Variants in PCDH15 observed in about 807,000 individuals in gnomAD.
PCDH15 encodes the protein protocadherin-15.
In PCDH15, 129 loss-of-function variants were observed where a neutral mutation model predicts 178.5. The ratio of observed to expected loss-of-function variants is 0.72; its 90% CI spans 0.63 to 0.84. PCDH15 has a LOEUF of 0.84. PCDH15 is among the 40% of genes least tolerant of loss of function. The pLI is 0.00. For synonymous variants in PCDH15, 800 were observed against 732.0 expected (o/e 1.09, Z -1.50); for missense variants, 2,230 against 2,099.9 (o/e 1.06, Z -1.21).
At chr10:54,258,575 T>C (rs2057083906) in intron 8 of PCDH15, among the ~76,000 whole-genome samples, 1 of 152,160 alleles carries the variant, frequency 6.6e-6, no homozygotes, top group African/African-American at 2.4e-5. Context: ...AGTTAAGACC[T>C]GAGCTCTCCA....
At chr10:53,921,286 G>A (rs766413278) in intron 25 of PCDH15, among the ~76,000 whole-genome samples, 1 of 152,118 alleles carries the variant, frequency 6.6e-6, no homozygotes, top group African/African-American at 2.4e-5. Context: ...ATTCCATTAT[G>A]ACATAAAGTA....
intron 3 of PCDH15, among the ~76,000 whole-genome samples, chr10:54,880,086 A>C (rs151042042): frequency 6.6e-6 from 1 of 152,162 alleles, no homozygotes; most frequent in Non-Finnish European, 1.5e-5. Context: ...ATATTTTTAC[A>C]CCCAGATCCC....
In PCDH15 at chr10:53,938,926, C is replaced by T; in HGVS notation, c.3262G>A (p.Val1088Ile). The change falls in exon 25 of 38, where the codon GTT (valine) becomes ATT (isoleucine). Residue 1088 changes from valine (V) to isoleucine (I), a missense_variant. Coordinates refer to ENST00000644397, the MANE Select transcript of PCDH15 (RefSeq NM_001384140.1). ...TCCAGAGGTCCATTCACATAGATAA[C>T]ACCTGTGATGTTATTAATTCCAAAT... ...DTFGINNITG[V>I]IYVNGPLDYE... 2 of 1,612,894 alleles carry T rather than the reference C, an allele frequency of 1.2e-6. No individual in the cohort carries two copies. The highest frequency in any genetic ancestry group is 1.3e-5 in the African/African-American group (1 of 74,984).
chr10:54,677,917 A>G (rs1434765239), intron 1 of PCDH15, among the ~76,000 whole-genome samples: 1 of 152,150 alleles, frequency 6.6e-6, no homozygotes, highest in Non-Finnish European at 1.5e-5. Flanking sequence ...CTGTACTATC[A>G]TCACGTCCAA....
At chr10:54,105,100 T>G (rs555647158) in intron 15 of PCDH15, among the ~76,000 whole-genome samples, 2 of 151,032 alleles carry the variant, frequency 1.3e-5, no homozygotes, top group South Asian at 4.2e-4. Context: ...TAGCATTTTT[T>G]GATCTAATCA....
intron 27 of PCDH15, among the ~76,000 whole-genome samples, chr10:53,865,831 A>T (rs1024640001): frequency 6.6e-6 from 1 of 152,208 alleles, no homozygotes; most frequent in Non-Finnish European, 1.5e-5. Context: ...ATGAAAATTT[A>T]TGATGTAAAG....
intron 6 of PCDH15, among the ~76,000 whole-genome samples, chr10:54,330,427 A>T (rs1939245235): frequency 6.6e-6 from 1 of 151,920 alleles, no homozygotes; most frequent in South Asian, 2.1e-4. Flanking sequence ...TGTAATCTAA[A>T]CATAGAAAAG....
At chr10:55,232,251 T>C (rs1260624515) in intron 1 of PCDH15, among the ~76,000 whole-genome samples, 1 of 151,988 alleles carries the variant, frequency 6.6e-6, no homozygotes, top group Non-Finnish European at 1.5e-5. Context: ...ATCATTCAAT[T>C]TGTAAATACT....
At position 55,391,526 on chromosome 10, in the gene PCDH15, G is replaced by A. The variant is rs149276623; in HGVS notation, c.-155-224875C>T. Among the ~76,000 whole-genome samples, 515 of 151,952 alleles carry A rather than the reference G, an allele frequency of 3.4e-3. 2 individuals carry two copies. Among genetic ancestry groups the A allele is most frequent in the African/African-American group, 9.8e-3 (408 of 41,442 alleles). On this transcript the variant is annotated intron_variant, in intron 2 of 5. Coordinates refer to the PCDH15 transcript ENST00000613346. ...TGGGGGGATGGAGTCTTGCCCTGTC[G>A]CCCAGGATGGATTGGAATGGAGCAA...
At chr10:55,275,890 C>T (rs947727729) in intron 1 of PCDH15, among the ~76,000 whole-genome samples, 1 of 151,426 alleles carries the variant, frequency 6.6e-6, no homozygotes, top group Non-Finnish European at 1.5e-5. Flanking sequence ...TTTATTTCTA[C>T]CCAATAATGA....
At chr10:54,840,306 G>A (rs895405288) in intron 3 of PCDH15, among the ~76,000 whole-genome samples, 2 of 152,046 alleles carry the variant, frequency 1.3e-5, no homozygotes, top group African/African-American at 2.4e-5. Flanking sequence ...TTGATAGCAC[G>A]AAGTCTGGGT....
intron 30 of PCDH15, 138 bp downstream of exon 30, chr10:53,831,177 C>T (rs375811921): frequency 6.3e-5 from 52 of 831,742 alleles, no homozygotes; most frequent in Non-Finnish European, 9.5e-5. Flanking sequence ...TCATTTGGTA[C>T]GAGATAGACA....
intron 29 of PCDH15, among the ~76,000 whole-genome samples, chr10:53,836,253 G>T (rs1156248958): frequency 6.6e-6 from 1 of 152,132 alleles, no homozygotes; most frequent in Non-Finnish European, 1.5e-5. Context: ...TGGCTGCCAT[G>T]ATGCCATAAG....
At chr10:54,098,891 AT>A (rs1410638765) in intron 15 of PCDH15, among the ~76,000 whole-genome samples, 3 of 152,194 alleles carry the variant, frequency 2.0e-5, no homozygotes, top group Non-Finnish European at 2.9e-5. Context: ...CATTAAAAAA[AT>A]TTCTTCATGA....
chr10:55,115,108 T>A (rs1301786652), intron 2 of PCDH15, among the ~76,000 whole-genome samples: 1 of 152,190 alleles, frequency 6.6e-6, no homozygotes, highest in Non-Finnish European at 1.5e-5. Context: ...TTTCTGTAGG[T>A]GATAAATTCT....
intron 3 of PCDH15, among the ~76,000 whole-genome samples, chr10:54,837,257 C>T (rs991470371): frequency 2.6e-5 from 4 of 151,968 alleles, no homozygotes; most frequent in Non-Finnish European, 5.9e-5. Flanking sequence ...ATGTTACACC[C>T]AGTCAGGACA....
At chr10:55,331,426 T>A (rs59363842) in intron 2 of PCDH15, among the ~76,000 whole-genome samples, 1,633 of 152,004 alleles carry the variant, frequency 0.011, 36 homozygotes, top group African/African-American at 0.037. Context: ...TTTAGTATAG[T>A]AATAGTAAGT....
At chr10:55,212,971 G>A (rs1840607909) in intron 1 of PCDH15, among the ~76,000 whole-genome samples, 1 of 152,042 alleles carries the variant, frequency 6.6e-6, no homozygotes, top group African/African-American at 2.4e-5. Flanking sequence ...AGGTAGAACA[G>A]CAGAGCTCAA....
intron 5 of PCDH15, among the ~76,000 whole-genome samples, chr10:54,358,419 C>T (rs1246628682): frequency 6.6e-6 from 1 of 152,084 alleles, no homozygotes; most frequent in Non-Finnish European, 1.5e-5. Flanking sequence ...AAATGCTCAC[C>T]ATCACTGGCT....
Sources: gnomAD v4.1 joint callset for allele counts (sites outside exome capture counted in the v4.1 genomes callset) on GRCh38, gnomAD v4.1.1 for gene constraint, MANE v1.5 for transcripts, NCBI Gene and HGNC (gene_info 2026-07-23, HGNC 2026-07-21) for gene names.